SCAMP2: variants seen among roughly 807,000 people sequenced by gnomAD.
SCAMP2 encodes secretory carrier membrane protein 2.
Under a neutral mutation model 44.1 loss-of-function variants are expected in SCAMP2, and 25 were observed. The ratio of observed to expected loss-of-function variants is 0.57; its 90% CI spans 0.41 to 0.79. SCAMP2 has a LOEUF of 0.79. Among genes scored for constraint, SCAMP2 ranks in the 30% least tolerant of loss-of-function variants. The probability of loss-of-function intolerance (pLI) is 0.00; values close to 1 mark genes in which losing one functional copy is unlikely to be tolerated. For synonymous variants in SCAMP2, 156 were observed against 166.0 expected (o/e 0.94, Z 0.46); for missense variants, 355 against 411.0 (o/e 0.86, Z 1.18).
chr15:74,846,268 C>T (rs916340724), intron 7 of SCAMP2, among the ~76,000 whole-genome samples: 3 of 149,606 alleles, frequency 2.0e-5, no homozygotes, highest in Admixed American at 6.7e-5. Flanking sequence ...GGTGACAGGG[C>T]GAGACTCCAA....
chr15:74,863,782 G>A (rs1482867650), intron 1 of SCAMP2, among the ~76,000 whole-genome samples: 3 of 152,180 alleles, frequency 2.0e-5, no homozygotes, highest in Admixed American at 6.5e-5. Context: ...CTTGATTCCT[G>A]CCTTTGAGAA....
intron 1 of SCAMP2, among the ~76,000 whole-genome samples, chr15:74,860,603 G>A (rs1258541476): frequency 4.0e-5 from 6 of 149,042 alleles, no homozygotes; most frequent in African/African-American, 1.2e-4. Flanking sequence ...CAGGAGAATC[G>A]CTTGAACTGG....
chr15:74,852,529 A>G, intron 3 of SCAMP2: 2 of 203,758 alleles, frequency 9.8e-6, no homozygotes, highest in East Asian at 1.1e-4. Flanking sequence ...TTTGGGAAAA[A>G]GACCTCACAA....
In SCAMP2 at chr15:74,854,063, C is replaced by T. The variant is rs759149914; in HGVS notation, c.183G>A (p.Ala61=). The T allele has an allele frequency of 9.3e-6, 15 of 1,614,070 alleles. No individual in the cohort carries two copies. Among genetic ancestry groups the T allele is most frequent in the African/African-American group, 4.0e-5 (3 of 74,924 alleles). The change falls in exon 3 of 9, where the codon GCG becomes GCA. Residue 61 remains alanine (A), a synonymous_variant. Coordinates refer to ENST00000268099, the MANE Select transcript of SCAMP2 (RefSeq NM_005697.5). ...TTGGTTCCACTGATGGCTGGAGAAC[C>T]GCTGGCTGTGAGGACCCAGGGAGTT... The part of the protein sequence containing the change: ...VTQLPGSSQP[A]VLQPSVEPTQ...
rs1475772657 is a variant in SCAMP2, at chr15:74,865,096, AAAG to A, written c.57+8100_57+8102del. ...TCTCAAAAAAAAAAAAAAAAAAAAA[AAAG>A]GCCAGGCACAGTTGCTCACGCCTGT... On this transcript the variant is annotated intron_variant, in intron 1 of 8. Transcript: ENST00000268099. 1.0e-4 allele frequency among the ~76,000 whole-genome samples: 13 copies of A among 124,972 alleles called. No homozygotes were observed. In the East Asian group the frequency reaches 3.2e-3, roughly 31 times the overall value. 82.0% of individuals were successfully genotyped at this position (124,972 alleles called of 152,430 possible).
At position 74,847,086 on chromosome 15, in the gene SCAMP2, ATT is replaced by A. The variant is rs34231883; in HGVS notation, c.735-1495_735-1494del. 4.4e-3 allele frequency among the ~76,000 whole-genome samples: 481 copies of A among 109,244 alleles called. 2 individuals carry two copies. Among genetic ancestry groups the A allele is most frequent in the Non-Finnish European group, 6.5e-3 (367 of 56,172 alleles). The allele number at this position is 109,244 out of a possible 152,430, so 71.7% of individuals were successfully genotyped here. A position where few individuals can be genotyped will look rare whatever the true frequency, so the allele number is the denominator to read the frequency against. Reference sequence around the variant, plus strand: ...AAACCCATACACCTATTGTCAGTTAATTTTTTTTTTTTTTTTTTTTTTTGAGA... The same window carrying A: ...AAACCCATACACCTATTGTCAGTTAATTTTTTTTTTTTTTTTTTTTTGAGA... On this transcript the variant is annotated intron_variant, in intron 7 of 8. Coordinates refer to ENST00000268099, the MANE Select transcript of SCAMP2 (RefSeq NM_005697.5).
intron 2 of SCAMP2, among the ~76,000 whole-genome samples, chr15:74,854,340 T>C (rs2064454358): frequency 6.6e-6 from 1 of 152,226 alleles, no homozygotes; most frequent in Non-Finnish European, 1.5e-5. Flanking sequence ...CCAGCACACT[T>C]GGGCACTGCC....
intron 1 of SCAMP2, among the ~76,000 whole-genome samples, chr15:74,869,326 TAAAAAATA>T (rs1349434062): frequency 6.6e-6 from 1 of 151,410 alleles, no homozygotes; most frequent in Non-Finnish European, 1.5e-5. Context: ...AAACCAATAA[TAAAAAATA>T]AAAAAATTAA....
intron 4 of SCAMP2, 142 bp from the exon 5 acceptor site, chr15:74,851,623 C>G: frequency 1.0e-6 from 1 of 999,806 alleles, no homozygotes; most frequent in Middle Eastern, 3.4e-4. Flanking sequence ...CTGCATGGAG[C>G]ATGGAGTGGG....
intron 1 of SCAMP2, among the ~76,000 whole-genome samples, chr15:74,866,550 A>G (rs2064545337): frequency 6.6e-6 from 1 of 152,112 alleles, no homozygotes; most frequent in Admixed American, 6.5e-5. Context: ...CACCTCTACG[A>G]AAAATACAAA....
intron 4 of SCAMP2, 65 bp from the exon 5 acceptor site, chr15:74,851,546 C>T: frequency 6.3e-7 from 1 of 1,598,592 alleles, no homozygotes; most frequent in African/African-American, 1.3e-5. Context: ...AAGGTGCATG[C>T]ACGCCAGCAT....
chr15:74,852,037 G>T, intron 4 of SCAMP2, 32 bp downstream of exon 4: 1 of 1,474,642 alleles, frequency 6.8e-7, no homozygotes, highest in Non-Finnish European at 9.2e-7. Flanking sequence ...ATGCCAGGCA[G>T]GGCAGCCCCA....
chr15:74,866,579 G>A (rs1287317136), intron 1 of SCAMP2, among the ~76,000 whole-genome samples: 1 of 152,060 alleles, frequency 6.6e-6, no homozygotes, highest in Admixed American at 6.6e-5. Flanking sequence ...AGGCATGCTA[G>A]TGCACGCCTG....
At chr15:74,847,865 C>T (rs577602111) in intron 7 of SCAMP2, among the ~76,000 whole-genome samples, 1 of 152,102 alleles carries the variant, frequency 6.6e-6, no homozygotes, top group African/African-American at 2.4e-5. Context: ...GTGAGGGAAC[C>T]GTCTCCTTAA....
chr15:74,870,818 T>C (rs749742941), intron 1 of SCAMP2, among the ~76,000 whole-genome samples: 1 of 152,236 alleles, frequency 6.6e-6, no homozygotes, highest in Non-Finnish European at 1.5e-5. Flanking sequence ...AAGTCTCCTT[T>C]GATTTTGCTC....
At chr15:74,864,943 C>T (rs576039202) in intron 1 of SCAMP2, among the ~76,000 whole-genome samples, 12 of 150,482 alleles carry the variant, frequency 8.0e-5, no homozygotes, top group South Asian at 4.2e-4. Flanking sequence ...AAAAATTAGC[C>T]GGGCGTGGTG....
intron 6 of SCAMP2, 91 bp from the exon 7 acceptor site, chr15:74,848,792 C>T: frequency 1.1e-6 from 1 of 897,350 alleles, no homozygotes; most frequent in African/African-American, 1.7e-5. Context: ...TCACTAGGAG[C>T]CAGGAGGCAG....
At chr15:74,869,938 T>A (rs1160413280) in intron 1 of SCAMP2, among the ~76,000 whole-genome samples, 1 of 152,168 alleles carries the variant, frequency 6.6e-6, no homozygotes, top group African/African-American at 2.4e-5. Context: ...GTCCTAGCCC[T>A]GGCAGTCAAG....
At chr15:74,863,066 C>T (rs2064519352) in intron 1 of SCAMP2, among the ~76,000 whole-genome samples, 2 of 151,236 alleles carry the variant, frequency 1.3e-5, no homozygotes, top group Non-Finnish European at 2.9e-5. Context: ...AAAATTAGGC[C>T]GGGTGCAGTG....
Sources: gnomAD v4.1 joint callset for allele counts (sites outside exome capture counted in the v4.1 genomes callset) on GRCh38, gnomAD v4.1.1 for gene constraint, MANE v1.5 for transcripts, NCBI Gene and HGNC (gene_info 2026-07-23, HGNC 2026-07-21) for gene names.